DAB1: variants seen among roughly 807,000 people sequenced by gnomAD.
DAB1 encodes the protein disabled homolog 1.
DAB1 carries 15 observed loss-of-function variants against 64.6 expected under a neutral mutation model. The observed-to-expected ratio is 0.23, with a 90% CI of 0.16 to 0.36. DAB1 has a LOEUF of 0.36. Among genes scored for constraint, DAB1 ranks in the 10% least tolerant of loss-of-function variants. The pLI is 1.00. For synonymous variants in DAB1, 235 were observed against 251.9 expected (o/e 0.93, Z 0.64); for missense variants, 596 against 706.7 (o/e 0.84, Z 1.78).
chr1:57,523,176 A>AC (rs1297971612), intron 7 of DAB1, among the ~76,000 whole-genome samples: 1 of 151,714 alleles, frequency 6.6e-6, no homozygotes, highest in Non-Finnish European at 1.5e-5. Flanking sequence ...TGACGAATAC[A>AC]CCCCCCTTCC....
chr1:57,413,743 CAAAAAAAAAAAAAAAA>C (rs58388088), intron 1 of DAB1, among the ~76,000 whole-genome samples: 6 of 64,508 alleles, frequency 9.3e-5, no homozygotes, highest in Admixed American at 7.2e-4. Context: ...GACTCTGTCT[CAAAAAAAAAAAAAAAA>C]AAAAAAAAAT....
intron 1 of DAB1, among the ~76,000 whole-genome samples, chr1:57,377,994 A>T (rs930877950): frequency 2.0e-5 from 3 of 152,174 alleles, no homozygotes; most frequent in Admixed American, 1.3e-4. Flanking sequence ...GGGAGATGGG[A>T]AATAAACTTC....
At chr1:58,479,927 A>T (rs1268128998) in intron 3 of DAB1, among the ~76,000 whole-genome samples, 1 of 152,222 alleles carries the variant, frequency 6.6e-6, no homozygotes, top group African/African-American at 2.4e-5. Context: ...GTAGATTCAC[A>T]ATACAAAGTA....
chr1:57,145,700 G>C (rs1659055109), intron 2 of DAB1, among the ~76,000 whole-genome samples: 1 of 152,206 alleles, frequency 6.6e-6, no homozygotes, highest in South Asian at 2.1e-4. Flanking sequence ...AGGGTATTAT[G>C]ATAAATAAAT....
intron 1 of DAB1, among the ~76,000 whole-genome samples, chr1:57,835,728 T>A (rs1338625061): frequency 1.3e-5 from 2 of 152,194 alleles, no homozygotes; most frequent in Admixed American, 1.3e-4. Flanking sequence ...GCCCTGCTGT[T>A]TTGCTGGAGA....
intron 1 of DAB1, among the ~76,000 whole-genome samples, chr1:57,387,821 CAAAAAAA>C (rs55950458): frequency 1.9e-5 from 2 of 104,322 alleles, no homozygotes; most frequent in Non-Finnish European, 1.9e-5. Context: ...GACTCAGCCT[CAAAAAAA>C]AAAAAAAAAA....
chr1:57,432,161 C>T (rs1048971500), intron 7 of DAB1, among the ~76,000 whole-genome samples: 17 of 151,266 alleles, frequency 1.1e-4, no homozygotes, highest in African/African-American at 3.6e-4. Flanking sequence ...TACAGAGTAT[C>T]GAAAAAGAGA....
chr1:57,405,561 C>G (rs1013584936), intron 1 of DAB1, among the ~76,000 whole-genome samples: 2 of 152,136 alleles, frequency 1.3e-5, no homozygotes, highest in African/African-American at 4.8e-5. Context: ...TAATTTAGTG[C>G]CAAATTTTTA....
chr1:57,799,250 T>C (rs2101870021), intron 6 of DAB1, among the ~76,000 whole-genome samples: 1 of 152,318 alleles, frequency 6.6e-6, no homozygotes, highest in African/African-American at 2.4e-5. Context: ...AAGGGTTTCC[T>C]CAGTATCCTC....
At chr1:57,348,725 C>T (rs1678328269) in intron 1 of DAB1, among the ~76,000 whole-genome samples, 1 of 152,134 alleles carries the variant, frequency 6.6e-6, no homozygotes, top group South Asian at 2.1e-4. Context: ...AACCTGCAGC[C>T]AACTACCTTC....
At chr1:58,459,700 G>A (rs138381775) in intron 3 of DAB1, among the ~76,000 whole-genome samples, 10 of 152,306 alleles carry the variant, frequency 6.6e-5, no homozygotes, top group South Asian at 2.1e-4. Context: ...TCACAGGGCC[G>A]GGTATGGTGG....
At chr1:57,951,517 G>A (rs1421549568) in intron 5 of DAB1, among the ~76,000 whole-genome samples, 1 of 151,716 alleles carries the variant, frequency 6.6e-6, no homozygotes, top group Non-Finnish European at 1.5e-5. Context: ...TGAAATAAGC[G>A]ATAAACCTTG....
At chr1:58,098,281 C>T (rs1651110039) in intron 5 of DAB1, among the ~76,000 whole-genome samples, 1 of 152,078 alleles carries the variant, frequency 6.6e-6, no homozygotes, top group Non-Finnish European at 1.5e-5. Context: ...AGGTGTAGGA[C>T]AAGCAAAGGG....
In DAB1 at chr1:57,319,094, G is replaced by A. The variant is rs76002459; in HGVS notation, c.-136-27928C>T. Among the ~76,000 whole-genome samples the A allele has an allele frequency of 3.7e-3, 563 of 152,268 alleles. 4 individuals are homozygous for A. The highest frequency in any genetic ancestry group is 0.013 in the African/African-American group (535 of 41,528). The stretch of plus-strand genomic sequence containing the variant: ...ATCTAGAACATTCTCAGGGGTCGTG[G>A]CAGATCTTATTGAACCACCTTGTCT... On this transcript the variant is annotated intron_variant, in intron 1 of 14. Coordinates refer to ENST00000371236, the MANE Select transcript of DAB1 (RefSeq NM_001365792.1).
chr1:57,515,762 C>A (rs1288725044), intron 7 of DAB1, among the ~76,000 whole-genome samples: 1 of 152,368 alleles, frequency 6.6e-6, no homozygotes, highest in African/African-American at 2.4e-5. Flanking sequence ...AAGCCTTGAG[C>A]CAAGTACCAA....
chr1:57,419,784 G>A (rs1684761395), intron 1 of DAB1, among the ~76,000 whole-genome samples: 1 of 152,230 alleles, frequency 6.6e-6, no homozygotes, highest in Admixed American at 6.5e-5. Flanking sequence ...AGAGAAGTTA[G>A]ATTAGCTGGC....
chr1:57,009,879 C>T (rs1646210711), intron 14 of DAB1, among the ~76,000 whole-genome samples: 1 of 152,202 alleles, frequency 6.6e-6, no homozygotes, highest in Non-Finnish European at 1.5e-5. Context: ...GTACATCTCT[C>T]TCAAAGTAGC....
At chr1:57,623,538 C>T (rs1199790814) in intron 7 of DAB1, among the ~76,000 whole-genome samples, 1 of 152,148 alleles carries the variant, frequency 6.6e-6, no homozygotes, top group Admixed American at 6.5e-5. Flanking sequence ...GAGTTGGAAG[C>T]ATCAGCCATA....
Position 57,951,317 on chromosome 1 carries a change from C to CATATATATATATATATATATATATAT in DAB1, n.388-67156_388-67155insATATATATATATATATATATATATAT, listed in dbSNP as rs150140800. Among the ~76,000 whole-genome samples the CATATATATATATATATATATATATAT allele has an allele frequency of 1.3e-3, 92 of 69,826 alleles. 6 individuals carry two copies. Among genetic ancestry groups the CATATATATATATATATATATATATAT allele is most frequent in the African/African-American group, 3.4e-3 (83 of 24,250 alleles). The allele number at this position is 69,826 out of a possible 152,430, so 45.8% of individuals were successfully genotyped here. A position where few individuals can be genotyped will look rare whatever the true frequency, so the allele number is the denominator to read the frequency against. On this transcript the variant is annotated intron_variant and non_coding_transcript_variant, in intron 5 of 20. Transcript: ENST00000485760. Reference sequence around the variant, plus strand: ...CAGATCCGGGAAGAGGAGCCTGATTCATATATATATATATACTTCCCTGGA... The same window carrying CATATATATATATATATATATATATAT: ...CAGATCCGGGAAGAGGAGCCTGATTCATATATATATATATATATATATATATATATATATATATATACTTCCCTGGA...
Sources: allele counts gnomAD v4.1 joint callset (sites outside exome capture counted in the v4.1 genomes callset), GRCh38; gene constraint gnomAD v4.1.1; transcripts MANE v1.5; gene names NCBI Gene and HGNC (gene_info 2026-07-23, HGNC 2026-07-21).